Variants in LTBP1 observed in about 807,000 individuals in gnomAD.
The protein encoded by LTBP1 is latent transforming growth factor beta binding protein 1.
LTBP1 carries 129 observed loss-of-function variants against 207.6 expected under a neutral mutation model. That is an observed-to-expected ratio of 0.62 (90% CI 0.54 to 0.72). The LOEUF is 0.72. Among genes scored for constraint, LTBP1 ranks in the 30% least tolerant of loss-of-function variants. The pLI is 0.00. For missense variants in LTBP1, 2,281 were observed against 2,217.2 expected, an observed-to-expected ratio of 1.03 and a Z score of -0.58; for synonymous variants, 963 against 833.7, an observed-to-expected ratio of 1.16 and a Z score of -2.67.
At chr2:33,067,379 T>G (rs1211063057) in intron 3 of LTBP1, among the ~76,000 whole-genome samples, 1 of 152,206 alleles carries the variant, frequency 6.6e-6, no homozygotes, top group East Asian at 1.9e-4. Context: ...ACTAGTAATA[T>G]TAAGATGCTT....
intron 3 of LTBP1, among the ~76,000 whole-genome samples, chr2:33,056,855 C>G (rs190064010): frequency 3.3e-5 from 5 of 152,112 alleles, no homozygotes; most frequent in African/African-American, 1.2e-4. Context: ...CTCAGGCAGC[C>G]TCCTTTTATT....
At chr2:32,963,248 A>T (rs2148462151) in intron 2 of LTBP1, among the ~76,000 whole-genome samples, 1 of 152,308 alleles carries the variant, frequency 6.6e-6, no homozygotes, top group Middle Eastern at 3.4e-3. Context: ...TCTGTAACCC[A>T]GGCTGGAGAG....
intron 3 of LTBP1, among the ~76,000 whole-genome samples, chr2:33,058,549 T>A (rs1013880560): frequency 6.6e-5 from 10 of 152,260 alleles, no homozygotes; most frequent in Non-Finnish European, 1.5e-4. Flanking sequence ...CTGAAGTATT[T>A]TCCAGATATG....
At chr2:33,370,448 C>T (rs541423848) in intron 31 of LTBP1, among the ~76,000 whole-genome samples, 55 of 152,186 alleles carry the variant, frequency 3.6e-4, no homozygotes, top group African/African-American at 1.2e-3. Context: ...GGGCGGGGCG[C>T]GAGACACAGG....
chr2:32,982,562 A>C lies in LTBP1; in HGVS notation c.565+33617A>C, dbSNP rs1411339881. 2.6e-5 allele frequency among the ~76,000 whole-genome samples: 4 copies of C among 152,148 alleles called. No individual in the cohort carries two copies. The East Asian group carries it at 7.7e-4, about 29-fold the overall frequency. On this transcript the variant is annotated intron_variant, in intron 2 of 33. Transcript: ENST00000404816. ...TCTCCAGGACATGTCAGAGACTTTCATGGCAGCTCCTCCCATCACAGGTCT... is the reference window on the plus strand; with the variant it reads ...TCTCCAGGACATGTCAGAGACTTTCCTGGCAGCTCCTCCCATCACAGGTCT...
At chr2:33,254,556 T>G (rs1228724688) in intron 11 of LTBP1, among the ~76,000 whole-genome samples, 5 of 149,144 alleles carry the variant, frequency 3.4e-5, no homozygotes, top group South Asian at 2.1e-4. Flanking sequence ...TTGGTTTTTT[T>G]TTTTTTTTTT....
At position 33,134,671 on chromosome 2, in the gene LTBP1, T is replaced by A; in HGVS notation, c.1034-122T>A. 1.3e-6 allele frequency: 2 copies of A among 1,582,884 alleles called. No homozygotes were observed. The highest frequency in any genetic ancestry group is 1.7e-6 in the Non-Finnish European group (2 of 1,166,492). ...CTTAAACCTGTCGGGTTGTGGGCTC[T>A]CTCTTTTCCCCTCTTGCTCCTTTCT... On this transcript the variant is annotated intron_variant, in intron 4 of 33. Transcript: ENST00000404816. This position sits in a 1 kb window ranked among gnomAD's most constrained non-coding sequence, Gnocchi z 4.4.
chr2:33,204,253 A>G (rs953163846), intron 7 of LTBP1, among the ~76,000 whole-genome samples: 2 of 152,222 alleles, frequency 1.3e-5, no homozygotes, highest in East Asian at 1.9e-4. Context: ...AATAATTTAT[A>G]TATAGAATTG....
intron 24 of LTBP1, among the ~76,000 whole-genome samples, chr2:33,320,943 C>T (rs1402584844): frequency 6.6e-6 from 1 of 152,070 alleles, no homozygotes; most frequent in Non-Finnish European, 1.5e-5. Flanking sequence ...AAAACTCAGA[C>T]ATATTTTTGG....
At chr2:32,962,627 A>G (rs72789873) in intron 2 of LTBP1, among the ~76,000 whole-genome samples, 17,244 of 152,264 alleles carry the variant, frequency 0.11, 1,140 homozygotes, top group Middle Eastern at 0.16. Flanking sequence ...TTGTTTTACG[A>G]GAATGTATAT....
Position 32,947,548 on chromosome 2 carries a change from C to A in LTBP1, c.224C>A (p.Ala75Asp). Residue 75 changes from alanine to aspartate, a missense_variant, in exon 1 of 34, where the codon GCC (alanine) becomes GAC (aspartate). By Grantham distance (126) the Ala-to-Asp change is moderately radical. Transcript: ENST00000404816. ...GCGGCTGCCGGCGCCCCCAGCCGTG[C>A]CTCCCCCGGGGTCCCCTCGGAGAGG... ...SSAAAGAPSR[A>D]SPGVPSERTR... 3 of 1,379,340 alleles carry A rather than the reference C, an allele frequency of 2.2e-6. No homozygotes were observed. The highest frequency in any genetic ancestry group is 3.2e-5 in the South Asian group (2 of 63,008). The allele number at this position is 1,379,340 out of a possible 1,614,324, so 85.4% of individuals were successfully genotyped here. A position where few individuals can be genotyped will look rare whatever the true frequency, so the allele number is the denominator to read the frequency against.
rs56916166 is a variant in LTBP1 at position 33,164,352 on chromosome 2, G to GAAA, written c.1202-22478_1202-22476dup. ...GTGACAGAGCAAGACTTCCTCTCAGGAAAAAAAAAAAAAAAAAAAAAAAAA... is the reference window on the plus strand; with the variant it reads ...GTGACAGAGCAAGACTTCCTCTCAGGAAAAAAAAAAAAAAAAAAAAAAAAAAAA... On this transcript the variant is annotated intron_variant, in intron 5 of 33. Transcript: ENST00000404816. 8.3e-3 allele frequency among the ~76,000 whole-genome samples: 234 copies of GAAA among 28,216 alleles called. 16 individuals carry two copies. The highest frequency in any genetic ancestry group is 0.026 in the African/African-American group (223 of 8,562). 18.5% of individuals were successfully genotyped at this position (28,216 alleles called of 152,430 possible).
intron 24 of LTBP1, among the ~76,000 whole-genome samples, chr2:33,315,918 CAA>C (rs1327615808): frequency 6.6e-6 from 1 of 152,142 alleles, no homozygotes; most frequent in Non-Finnish European, 1.5e-5. Flanking sequence ...GCCTGGGCGA[CAA>C]GAGTAAGACT....
intron 31 of LTBP1, among the ~76,000 whole-genome samples, chr2:33,380,798 AGTGGCATTTACTAC>A (rs2095204819): frequency 1.3e-5 from 2 of 152,376 alleles, no homozygotes; most frequent in East Asian, 3.9e-4. Flanking sequence ...TGAACAATTT[AGTGGCATTTACTAC>A]GTTGACGATG....
chr2:33,096,156 AT>A (rs1277288597), intron 3 of LTBP1, among the ~76,000 whole-genome samples: 1 of 152,228 alleles, frequency 6.6e-6, no homozygotes, highest in Non-Finnish European at 1.5e-5. Context: ...TATTACATAG[AT>A]TGGAACAATA....
At chr2:32,969,645 A>T (rs1013003185) in intron 2 of LTBP1, among the ~76,000 whole-genome samples, 1 of 152,192 alleles carries the variant, frequency 6.6e-6, no homozygotes, top group African/African-American at 2.4e-5. Flanking sequence ...TGGTATATAC[A>T]TACCACATTT....
At chr2:32,986,058 A>G (rs1287919311) in intron 2 of LTBP1, among the ~76,000 whole-genome samples, 1 of 152,200 alleles carries the variant, frequency 6.6e-6, no homozygotes, top group South Asian at 2.1e-4. Flanking sequence ...TGCCTAGTAC[A>G]TGGTAAGTAT....
At position 33,134,413 on chromosome 2, in the gene LTBP1, TTGCATTACATC is replaced by T. The variant is rs1353915568; in HGVS notation, c.1034-376_1034-366del. On this transcript the variant is annotated intron_variant, in intron 4 of 33. Coordinates refer to ENST00000404816, the MANE Select transcript of LTBP1 (RefSeq NM_206943.4). The surrounding 1 kb of genome is among the most constrained non-coding windows in gnomAD (Gnocchi z 4.4). ...ACCGCTAGGTGCACGGCCAACCCCT[TTGCATTACATC>T]TGCCTGTCAGGGTTGGCTCTTTAAT... 1 of 553,726 alleles carries T rather than the reference TTGCATTACATC, an allele frequency of 1.8e-6. No individual in the cohort carries two copies. Among genetic ancestry groups the T allele is most frequent in the Admixed American group, 2.3e-5 (1 of 43,500 alleles). The allele number at this position is 553,726 out of a possible 1,614,324, so 34.3% of individuals were successfully genotyped here.
chr2:33,203,469 C>T lies in LTBP1; in HGVS notation c.1702-14083C>T, dbSNP rs148001086. On this transcript the variant is annotated intron_variant, in intron 7 of 33. Coordinates refer to ENST00000404816, the MANE Select transcript of LTBP1 (RefSeq NM_206943.4). The stretch of plus-strand genomic sequence containing the variant: ...TTCAGAGAATGGGTTGTGACCCAGA[C>T]GTTACCCTTCCTGCGGCCCAGTATC... Among the ~76,000 whole-genome samples, 1,484 of 152,264 alleles carry T rather than the reference C, an allele frequency of 9.7e-3. 22 individuals are homozygous for T. Among genetic ancestry groups the T allele is most frequent in the Middle Eastern group, 0.037 (11 of 294 alleles).
Sources: gnomAD v4.1 joint callset for allele counts (sites outside exome capture counted in the v4.1 genomes callset) on GRCh38, gnomAD v4.1.1 for gene constraint, Gnocchi (gnomAD v3.1) non-coding constraint, MANE v1.5 for transcripts, NCBI Gene and HGNC (gene_info 2026-07-23, HGNC 2026-07-21) for gene names.